LMO1: variants seen among roughly 807,000 people sequenced by gnomAD.
LMO1 encodes rhombotin-1.
In LMO1, 10 loss-of-function variants were observed where a neutral mutation model predicts 18.0. The ratio of observed to expected loss-of-function variants is 0.55; its 90% CI spans 0.34 to 0.94. The LOEUF is 0.94. Ranked by LOEUF, LMO1 falls within the 40% of genes least tolerant of loss-of-function variation. The pLI is 0.02. For synonymous variants in LMO1, 77 were observed against 77.9 expected (o/e 0.99, Z 0.06); for missense variants, 183 against 205.7 (o/e 0.89, Z 0.68).
chr11:8,268,657 G>A (rs1181036749), upstream of LMO1: 1 of 316,700 alleles, frequency 3.2e-6, no homozygotes, highest in East Asian at 4.8e-5. Context: ...GGGGGAAGGC[G>A]CGGGGGCGAG....
At chr11:8,245,861 A>G (rs1047232491) in intron 1 of LMO1, among the ~76,000 whole-genome samples, 1 of 152,228 alleles carries the variant, frequency 6.6e-6, no homozygotes, top group African/African-American at 2.4e-5. Flanking sequence ...TTGTACAAGC[A>G]TGGTTCCAGC....
intron 2 of LMO1, 150 bp downstream of exon 2, chr11:8,230,141 G>C (rs1952625989): frequency 1.4e-6 from 1 of 705,984 alleles, no homozygotes; most frequent in Non-Finnish European, 2.4e-6. Flanking sequence ...TCAGGTATCT[G>C]GGGCAAGCAG....
intron 1 of LMO1, among the ~76,000 whole-genome samples, chr11:8,246,063 G>C (rs571774405): frequency 3.3e-4 from 50 of 152,206 alleles, no homozygotes; most frequent in South Asian, 8.3e-4. Flanking sequence ...CATTCATGAG[G>C]GAGCCATCCC....
intron 1 of LMO1, among the ~76,000 whole-genome samples, chr11:8,254,328 T>G (rs1246186551): frequency 1.3e-5 from 2 of 152,196 alleles, no homozygotes; most frequent in African/African-American, 4.8e-5. Context: ...AGCCTGGGTT[T>G]TATTACAACC....
At chr11:8,236,755 C>A (rs1952767844) in intron 1 of LMO1, among the ~76,000 whole-genome samples, 1 of 152,166 alleles carries the variant, frequency 6.6e-6, no homozygotes, top group Non-Finnish European at 1.5e-5. Flanking sequence ...TTTATTCTCC[C>A]CACAACAGTT....
chr11:8,224,610 C>G lies in LMO1; in HGVS notation c.*6G>C, dbSNP rs377474450. ...ACAGACGGGCCTGGAGGCCAGGCGC[C>G]GGGCGTTACTGAACTTGGGATTCAA... On this transcript the variant is annotated 3_prime_UTR_variant, in exon 4 of 4. Transcript: ENST00000335790. 6.3e-6 allele frequency: 10 copies of G among 1,577,042 alleles called. No individual in the cohort carries two copies. The South Asian group carries it at 1.1e-4, about 18-fold the overall frequency.
intron 1 of LMO1, among the ~76,000 whole-genome samples, chr11:8,262,928 C>G (rs1338495575): frequency 6.6e-6 from 1 of 152,240 alleles, no homozygotes; most frequent in Admixed American, 6.5e-5. Context: ...TCTCGGGTTA[C>G]GCGGCGGCTG....
intron 1 of LMO1, among the ~76,000 whole-genome samples, chr11:8,246,505 A>G (rs1846896820): frequency 6.6e-6 from 1 of 152,234 alleles, no homozygotes; most frequent in African/African-American, 2.4e-5. Flanking sequence ...ATACAGACAG[A>G]AAGTAGTTTA....
chr11:8,260,854 G>C (rs781107090), intron 1 of LMO1, among the ~76,000 whole-genome samples: 7 of 152,102 alleles, frequency 4.6e-5, no homozygotes, highest in Non-Finnish European at 1.0e-4. Flanking sequence ...AAAAGGTGCC[G>C]TATGCAGGGA....
chr11:8,228,794 A>G (rs1352922762), intron 2 of LMO1, among the ~76,000 whole-genome samples: 1 of 152,024 alleles, frequency 6.6e-6, no homozygotes, highest in Non-Finnish European at 1.5e-5. Flanking sequence ...GGTCTGCCAC[A>G]TCGTCCTAAC....
At chr11:8,251,795 AGTGCGTGT>A (rs1374320782) in intron 1 of LMO1, among the ~76,000 whole-genome samples, 2 of 137,300 alleles carry the variant, frequency 1.5e-5, no homozygotes, top group Non-Finnish European at 3.2e-5. Context: ...AGGGGTGTGG[AGTGCGTGT>A]GTGAGTGTGT....
At chr11:8,244,736 G>A (rs1363895689) in intron 1 of LMO1, among the ~76,000 whole-genome samples, 1 of 152,224 alleles carries the variant, frequency 6.6e-6, no homozygotes, top group African/African-American at 2.4e-5. Context: ...AGGGCTGGGG[G>A]CACCAGCAGA....
chr11:8,262,724 G>C (rs1847207084), intron 1 of LMO1, among the ~76,000 whole-genome samples: 1 of 152,226 alleles, frequency 6.6e-6, no homozygotes, highest in South Asian at 2.1e-4. Flanking sequence ...CAGGGAGCTA[G>C]CGGGCCGGCA....
At chr11:8,246,319 TA>T (rs2134559955) in intron 1 of LMO1, among the ~76,000 whole-genome samples, 1 of 152,048 alleles carries the variant, frequency 6.6e-6, no homozygotes, top group South Asian at 2.1e-4. Flanking sequence ...AACGAATAAA[TA>T]AAACATGGTA....
chr11:8,247,120 A>G (rs778183593), intron 1 of LMO1, among the ~76,000 whole-genome samples: 3 of 152,354 alleles, frequency 2.0e-5, no homozygotes, highest in Non-Finnish European at 2.9e-5. Flanking sequence ...GCATCCTTCA[A>G]GGACTATGCC....
Position 8,263,612 on chromosome 11 carries a change from G to A in LMO1, c.-250C>T. ...GGAACTACGAACTGCAATTTAGAGA[G>A]AGAGGGAGAGGGAGAGAGAAGGGGG... On this transcript the variant is annotated 5_prime_UTR_variant, in exon 1 of 4. Transcript: ENST00000335790. The A allele has an allele frequency of 3.0e-6, 4 of 1,352,328 alleles. No homozygotes were observed. The highest frequency in any genetic ancestry group is 3.8e-6 in the Non-Finnish European group (4 of 1,056,170). 83.8% of individuals were successfully genotyped at this position (1,352,328 alleles called of 1,614,324 possible).
upstream of LMO1, chr11:8,268,397 G>A (rs1210509361): frequency 6.8e-7 from 1 of 1,466,258 alleles, no homozygotes; most frequent in Non-Finnish European, 9.0e-7. Flanking sequence ...GCGTGCCCCC[G>A]GGCACCGGCA....
chr11:8,225,884 C>T (rs1445739560), intron 3 of LMO1, among the ~76,000 whole-genome samples: 1 of 152,246 alleles, frequency 6.6e-6, no homozygotes, highest in Non-Finnish European at 1.5e-5. Flanking sequence ...TCCTACCTGA[C>T]CTGGGGGCTC....
chr11:8,248,811 C>T (rs911439558), intron 1 of LMO1, among the ~76,000 whole-genome samples: 1 of 152,212 alleles, frequency 6.6e-6, no homozygotes, highest in African/African-American at 2.4e-5. Context: ...TAGGTCTAGA[C>T]TTGCTGCCTC....
Sources: allele counts gnomAD v4.1 joint callset (sites outside exome capture counted in the v4.1 genomes callset), GRCh38; gene constraint gnomAD v4.1.1; transcripts MANE v1.5; gene names NCBI Gene and HGNC (gene_info 2026-07-23, HGNC 2026-07-21).